The following DBH variants were observed in gnomAD, a reference collection of about 807,000 sequenced individuals.
DBH encodes the protein dopamine beta-hydroxylase (dopamine beta-monooxygenase).
A neutral mutation model predicts 64.0 loss-of-function variants in DBH; 49 were observed. The ratio of observed to expected loss-of-function variants is 0.77; its 90% CI spans 0.61 to 0.97. DBH has a LOEUF of 0.97. Ranked by LOEUF, DBH falls within the 50% of genes least tolerant of loss-of-function variation. The pLI, the probability that DBH is intolerant of heterozygous loss-of-function variation, is 0.00. For missense variants in DBH, 828 were observed against 826.6 expected (o/e 1.00, Z -0.02); for synonymous variants, 343 against 347.1 (o/e 0.99, Z 0.13).
rs759639265 is a variant in DBH at position 133,636,637 on chromosome 9, T to A, written c.266T>A (p.Met89Lys). Residue 89 changes from methionine to lysine, a missense_variant, in exon 1 of 12, where the codon ATG (methionine) becomes AAG (lysine). Coordinates refer to ENST00000393056, the MANE Select transcript of DBH (RefSeq NM_000787.4). Reference protein sequence around the residue: ...RRLKAGVLFGMSDRGELENAD... With the variant: ...RRLKAGVLFGKSDRGELENAD... ...CTCAAGGCTGGCGTCCTGTTTGGGA[T>A]GTCCGACCGTGGCGAGCTTGAGAAC... 6.2e-7 allele frequency: 1 copy of A among 1,613,028 alleles called. No individual in the cohort carries two copies. The highest frequency in any genetic ancestry group is 2.2e-5 in the East Asian group (1 of 44,880).
rs1258674141 is a variant in DBH, at chr9:133,657,018, GCT to G, written c.1563-50_1563-49del. The G allele has an allele frequency of 2.5e-6, 4 of 1,603,090 alleles. No individual in the cohort carries two copies. The African/African-American group carries it at 4.0e-5, about 16-fold the overall frequency. ...GGGAGGTGTTGCTGGTGCCCACTGG[GCT>G]CCCTGCCCGTCAGCTGCTCCCCAGC... On this transcript the variant is annotated intron_variant, in intron 10 of 11. Transcript: ENST00000393056.
intron 1 of DBH, 149 bp downstream of exon 1, chr9:133,636,859 C>A (rs1410609080): frequency 2.5e-6 from 2 of 798,258 alleles, no homozygotes; most frequent in Non-Finnish European, 4.2e-6. Flanking sequence ...CAAGTCTGCA[C>A]CCCGAGCTTG....
chr9:133,652,201 C>T, intron 7 of DBH, 45 bp from the exon 8 acceptor site: 1 of 1,612,632 alleles, frequency 6.2e-7, no homozygotes, highest in Non-Finnish European at 8.5e-7. Context: ...GTCTGCAGCT[C>T]TCTGAGGTCT....
chr9:133,639,923 C>A lies in DBH; in HGVS notation c.417C>A (p.Thr139=), dbSNP rs1331339496. ...ACCAGCTGCTGCAGGTGCAGAGGACCCCAGAAGGCCTGACCCTGCTTTTCA... is the reference window on the plus strand; with the variant it reads ...ACCAGCTGCTGCAGGTGCAGAGGACACCAGAAGGCCTGACCCTGCTTTTCA... ...QDYQLLQVQR[T]PEGLTLLFKR... Residue 139 remains threonine, a synonymous_variant, in exon 2 of 12, where the codon ACC becomes ACA. Transcript: ENST00000393056. 2 of 1,613,730 alleles carry A rather than the reference C, an allele frequency of 1.2e-6. No homozygotes were observed. Among genetic ancestry groups the A allele is most frequent in the African/African-American group, 1.3e-5 (1 of 75,054 alleles).
At chr9:133,640,070 C>A in intron 2 of DBH, 78 bp downstream of exon 2, 5 of 1,563,950 alleles carry the variant, frequency 3.2e-6, no homozygotes, top group South Asian at 2.3e-5. Context: ...TGTCATAGTA[C>A]CTTTCCTGTC....
intron 6 of DBH, among the ~76,000 whole-genome samples, chr9:133,648,858 T>C (rs1832213559): frequency 6.6e-6 from 1 of 152,236 alleles, no homozygotes; most frequent in African/African-American, 2.4e-5. Context: ...TTTTCACCAA[T>C]AGAAAGAAGC....
At chr9:133,645,471 G>C (rs1832171638) in intron 5 of DBH, among the ~76,000 whole-genome samples, 1 of 152,134 alleles carries the variant, frequency 6.6e-6, no homozygotes, top group Non-Finnish European at 1.5e-5. Flanking sequence ...CAAATATAAG[G>C]ACGCTCCTGT....
chr9:133,651,801 G>GGC, intron 7 of DBH, 24 bp downstream of exon 7: 4 of 1,496,316 alleles, frequency 2.7e-6, no homozygotes, highest in Non-Finnish European at 1.8e-6. Context: ...CCCCACCCCT[G>GGC]CCCCGCCCCC....
At position 133,657,442 on chromosome 9, in the gene DBH, GGAGAGAGAGGA is replaced by G. The variant is rs1564215828; in HGVS notation, c.1722+219_1722+229del. 734 of 506,936 alleles carry G rather than the reference GGAGAGAGAGGA, an allele frequency of 1.4e-3. 16 individuals are homozygous for G. Among genetic ancestry groups the G allele is most frequent in the Admixed American group, 1.4e-3 (45 of 32,252 alleles). 31.4% of individuals were successfully genotyped at this position (506,936 alleles called of 1,614,324 possible). Reference sequence around the variant, plus strand: ...AGAGAGAGGAGAGAGAGGAGAGAGAGGAGAGAGAGGAGAGAGGGAGAGGGAGAGAGGGAGAG... The same window carrying G: ...AGAGAGAGGAGAGAGAGGAGAGAGAGGAGAGGGAGAGGGAGAGAGGGAGAG... On this transcript the variant is annotated intron_variant, in intron 11 of 11. Coordinates refer to ENST00000393056, the MANE Select transcript of DBH (RefSeq NM_000787.4).
At chr9:133,637,775 A>G (rs1832070085) in intron 1 of DBH, among the ~76,000 whole-genome samples, 1 of 152,174 alleles carries the variant, frequency 6.6e-6, no homozygotes, top group Admixed American at 6.5e-5. Context: ...AGACTCGGCC[A>G]GGAGGCACTT....
intron 2 of DBH, 100 bp from the exon 3 acceptor site, chr9:133,642,107 C>T: frequency 6.6e-7 from 1 of 1,508,096 alleles, no homozygotes; most frequent in Non-Finnish European, 9.1e-7. Flanking sequence ...TGAGGTGTGT[C>T]ACCTGGTAGG....
chr9:133,636,794 A>C, intron 1 of DBH, 84 bp downstream of exon 1: 2 of 1,289,440 alleles, frequency 1.6e-6, no homozygotes, highest in African/African-American at 1.5e-5. Flanking sequence ...CACCCTCCTT[A>C]ACCCAGAAAG....
intron 3 of DBH, among the ~76,000 whole-genome samples, chr9:133,642,689 C>G (rs766963306): frequency 4.6e-5 from 7 of 152,194 alleles, no homozygotes; most frequent in Non-Finnish European, 1.0e-4. Context: ...CTCCCACTTC[C>G]CTGCCTGGAC....
intron 1 of DBH, among the ~76,000 whole-genome samples, chr9:133,637,700 G>A (rs1318022129): frequency 6.6e-6 from 1 of 152,214 alleles, no homozygotes; most frequent in Non-Finnish European, 1.5e-5. Context: ...TTTGGGTGTT[G>A]TGAATTCATG....
chr9:133,643,597 C>A lies in DBH; in HGVS notation c.921+8C>A. 4.3e-6 allele frequency: 7 copies of A among 1,613,124 alleles called. No individual in the cohort carries two copies. The highest frequency in any genetic ancestry group is 5.9e-6 in the Non-Finnish European group (7 of 1,179,838). The stretch of plus-strand genomic sequence containing the variant: ...TGGGCCCTGGGTGCCAAGGTGCGTG[C>A]CCTGCGACCCCAGCATGGTGTCTCC... On this transcript the variant is annotated splice_region_variant and intron_variant, in intron 4 of 11. Coordinates refer to ENST00000393056, the MANE Select transcript of DBH (RefSeq NM_000787.4). The surrounding 1 kb of genome is among the most constrained non-coding windows in gnomAD (Gnocchi z 5.3).
chr9:133,657,377 C>G, intron 11 of DBH, 148 bp downstream of exon 11: 1 of 789,448 alleles, frequency 1.3e-6, no homozygotes, highest in South Asian at 1.5e-5. Flanking sequence ...GACACATAGG[C>G]CTAGACAGCC....
At position 133,656,668 on chromosome 9, in the gene DBH, A is replaced by G. The variant is rs753410256; in HGVS notation, c.1562+18A>G. 3 of 1,610,324 alleles carry G rather than the reference A, an allele frequency of 1.9e-6. No individual in the cohort carries two copies. The highest frequency in any genetic ancestry group is 2.5e-6 in the Non-Finnish European group (3 of 1,179,770). ...ATCAACAGGTGAGGGCTCCCTGCAC[A>G]AGCTCCCTGCCCCCAGGGAACCCCG... On this transcript the variant is annotated intron_variant, in intron 10 of 11. Coordinates refer to ENST00000393056, the MANE Select transcript of DBH (RefSeq NM_000787.4).
Position 133,639,894 on chromosome 9 carries a change from G to T in DBH, c.388G>T (p.Asp130Tyr), listed in dbSNP as rs765113530. ...KGQIHLDPQQDYQLLQVQRTP... is the reference protein window; with the variant it reads ...KGQIHLDPQQYYQLLQVQRTP... ...GCAGATCCACCTGGATCCCCAGCAG[G>T]ACTACCAGCTGCTGCAGGTGCAGAG... The change falls in exon 2 of 12, where the codon GAC becomes TAC. Residue 130 changes from aspartate to tyrosine, a missense_variant. Transcript: ENST00000393056. 3 of 1,613,188 alleles carry T rather than the reference G, an allele frequency of 1.9e-6. No homozygotes were observed. Among genetic ancestry groups the T allele is most frequent in the Non-Finnish European group, 1.7e-6 (2 of 1,179,770 alleles).
chr9:133,638,918 C>T (rs1157508191), intron 1 of DBH, among the ~76,000 whole-genome samples: 1 of 152,168 alleles, frequency 6.6e-6, no homozygotes, highest in African/African-American at 2.4e-5. Flanking sequence ...GTCCCTGCCC[C>T]TTAGGGCCCA....
Sources: gnomAD v4.1 joint callset for allele counts (sites outside exome capture counted in the v4.1 genomes callset) on GRCh38, gnomAD v4.1.1 for gene constraint, Gnocchi (gnomAD v3.1) non-coding constraint, MANE v1.5 for transcripts, NCBI Gene and HGNC (gene_info 2026-07-23, HGNC 2026-07-21) for gene names.